The following AMZ1 variants were observed in gnomAD, a reference collection of about 807,000 sequenced individuals.
AMZ1 encodes the protein archaelysin family metallopeptidase 1.
In AMZ1, 39 loss-of-function variants were observed where a neutral mutation model predicts 29.9. The ratio of observed to expected loss-of-function variants is 1.30; its 90% CI spans 1.01 to 1.70. The LOEUF is 1.70. AMZ1 is among the 40% of genes most tolerant of loss of function. AMZ1 has a pLI of 0.00. For missense variants in AMZ1, 1,041 were observed against 680.6 expected, an observed-to-expected ratio of 1.53 and a Z score of -5.89; for synonymous variants, 458 against 304.0, an observed-to-expected ratio of 1.51 and a Z score of -5.27.
Position 2,708,584 on chromosome 7 carries a change from G to C in AMZ1, c.473-4G>C. The C allele has an allele frequency of 1.9e-6, 3 of 1,612,014 alleles. No homozygotes were observed. The highest frequency in any genetic ancestry group is 2.2e-5 in the East Asian group (1 of 44,882). On this transcript the variant is annotated splice_region_variant and splice_polypyrimidine_tract_variant and intron_variant, in intron 3 of 6. Coordinates refer to ENST00000683327, the MANE Select transcript of AMZ1 (RefSeq NM_001384743.1). ...GACCCCATCCTCTGGCCCTCTCCCC[G>C]CAGACGGCATCCTGTCCTTCTTGAA... is the stretch of plus-strand genomic sequence containing the variant.
chr7:2,721,705 G>A (rs1274001212), downstream of AMZ1, among the ~76,000 whole-genome samples: 11 of 142,852 alleles, frequency 7.7e-5, no homozygotes, highest in Middle Eastern at 3.5e-3. Flanking sequence ...AACAGAGCGA[G>A]ACTACGTCTC....
chr7:2,763,995 A>G (rs17802101), upstream of AMZ1, among the ~76,000 whole-genome samples: 1,698 of 152,328 alleles, frequency 0.011, 15 homozygotes, highest in Non-Finnish European at 0.016. Context: ...GTACGCACCT[A>G]AAGTGAGGCT....
At chr7:2,764,764 T>C (rs986027834) in exon 1 of AMZ1, 2 of 152,358 alleles carry the variant, frequency 1.3e-5, no homozygotes, top group African/African-American at 2.4e-5. Context: ...TGAAGCAGCA[T>C]CTGAAGTCCC....
Position 2,731,243 on chromosome 7 carries a change from C to G in AMZ1, n.550+21427C>G. ...ATGGTGTCTTTCACAGCATGGAACA[C>G]GAAGCGGACGTTCTCGGTGTCGATG... On this transcript the variant is annotated intron_variant and non_coding_transcript_variant, in intron 4 of 4. Transcript: ENST00000489665. This position sits in a 1 kb window ranked among gnomAD's most constrained non-coding sequence, Gnocchi z 6.0. 1 of 1,613,652 alleles carries G rather than the reference C, an allele frequency of 6.2e-7. No individual in the cohort carries two copies. The highest frequency in any genetic ancestry group is 8.5e-7 in the Non-Finnish European group (1 of 1,179,890).
chr7:2,695,742 G>A (rs920087001), intron 1 of AMZ1, among the ~76,000 whole-genome samples: 1 of 151,944 alleles, frequency 6.6e-6, no homozygotes, highest in Admixed American at 6.6e-5. Flanking sequence ...CGGGCGCAGT[G>A]GCTCATGCCT....
intron 1 of AMZ1, among the ~76,000 whole-genome samples, chr7:2,692,074 G>C (rs1229412775): frequency 6.6e-6 from 1 of 152,234 alleles, no homozygotes; most frequent in Admixed American, 6.5e-5. Flanking sequence ...CGGTGAGCAG[G>C]TCATGTCACC....
At chr7:2,734,064 A>G (rs996426090) in intron 4 of AMZ1, among the ~76,000 whole-genome samples, 1 of 152,186 alleles carries the variant, frequency 6.6e-6, no homozygotes, top group African/African-American at 2.4e-5. Context: ...GGAATCTTCC[A>G]TTTGGATTGT....
intron 4 of AMZ1, among the ~76,000 whole-genome samples, chr7:2,758,888 T>C (rs766240005): frequency 2.6e-5 from 4 of 152,112 alleles, no homozygotes; most frequent in Non-Finnish European, 4.4e-5. Context: ...CTCATGCCTA[T>C]AATCCCAGCG....
At chr7:2,687,392 G>T (rs1262160824), upstream of AMZ1, among the ~76,000 whole-genome samples, 1 of 152,194 alleles carries the variant, frequency 6.6e-6, no homozygotes, top group African/African-American at 2.4e-5. Context: ...CCATCTGTGG[G>T]GCGCTGCTGA....
At chr7:2,756,605 TCAAACAAACAAA>T (rs139218513) in intron 4 of AMZ1, among the ~76,000 whole-genome samples, 1 of 151,298 alleles carries the variant, frequency 6.6e-6, no homozygotes, top group Admixed American at 6.6e-5. Context: ...AGACCCTGTC[TCAAACAAACAAA>T]CAAACAAACA....
chr7:2,710,534 G>T (rs991795542), intron 6 of AMZ1, among the ~76,000 whole-genome samples: 2 of 152,204 alleles, frequency 1.3e-5, no homozygotes. Flanking sequence ...CCCGGACCGA[G>T]CCTGTCAGAA....
In AMZ1 at chr7:2,731,444, G is replaced by C. The variant is rs999964514; in HGVS notation, n.550+21628G>C. ...TCCACCAGGAGGTCCATCTTGTTGA[G>C]GAAGAGAATGATGGAGACGTTGAAG... On this transcript the variant is annotated intron_variant and non_coding_transcript_variant, in intron 4 of 4. Transcript: ENST00000489665. This position sits in a 1 kb window ranked among gnomAD's most constrained non-coding sequence, Gnocchi z 6.0. The C allele has an allele frequency of 6.2e-7, 1 of 1,613,820 alleles. No individual in the cohort carries two copies. The highest frequency in any genetic ancestry group is 1.3e-5 in the African/African-American group (1 of 75,028).
intron 1 of AMZ1, among the ~76,000 whole-genome samples, chr7:2,690,390 T>A (rs953556476): frequency 6.6e-6 from 1 of 152,206 alleles, no homozygotes; most frequent in African/African-American, 2.4e-5. Flanking sequence ...AGCTAATTTT[T>A]AAAATGTTTT....
At chr7:2,728,075 A>G (rs1789699550) in intron 4 of AMZ1, 1 of 152,246 alleles carries the variant, frequency 6.6e-6, no homozygotes, top group African/African-American at 2.4e-5. Context: ...TGAAAAATCA[A>G]TTTAGTGTTG....
At chr7:2,684,976 T>G (rs1017330428), upstream of AMZ1, among the ~76,000 whole-genome samples, 8 of 151,262 alleles carry the variant, frequency 5.3e-5, no homozygotes, top group Non-Finnish European at 1.2e-4. Flanking sequence ...TTCACGCCAT[T>G]CTCCTGCCTC....
chr7:2,723,210 G>C (rs1397061969), downstream of AMZ1, among the ~76,000 whole-genome samples: 2 of 152,246 alleles, frequency 1.3e-5, no homozygotes, highest in Admixed American at 6.5e-5. Flanking sequence ...CCTGTGGGCT[G>C]TGTGGGGGCC....
intron 1 of AMZ1, among the ~76,000 whole-genome samples, chr7:2,697,390 C>T (rs1432927538): frequency 1.3e-5 from 2 of 152,078 alleles, no homozygotes; most frequent in Non-Finnish European, 2.9e-5. Flanking sequence ...AGCTGCTGCG[C>T]CCGGCTCTAT....
chr7:2,762,334 T>C, upstream of AMZ1: 1 of 354,140 alleles, frequency 2.8e-6, no homozygotes, highest in Non-Finnish European at 5.1e-6. Flanking sequence ...GCGCGACTGC[T>C]GCTGGACACA....
In AMZ1 at chr7:2,696,013, G is replaced by GA. The variant is rs35492098; in HGVS notation, c.-218-4205dup. Among the ~76,000 whole-genome samples the GA allele has an allele frequency of 5.2e-3, 555 of 107,192 alleles. 3 individuals are homozygous for GA. Among genetic ancestry groups the GA allele is most frequent in the East Asian group, 0.016 (55 of 3,516 alleles). The allele number at this position is 107,192 out of a possible 152,430, so 70.3% of individuals were successfully genotyped here. A position where few individuals can be genotyped will look rare whatever the true frequency, so the allele number is the denominator to read the frequency against. The stretch of plus-strand genomic sequence containing the variant: ...GACAGAGCGAAACTGTCTTGGGGGG[G>GA]AAAAAAAAAAAAAAAAGGAAATGGA... On this transcript the variant is annotated intron_variant, in intron 1 of 6. Transcript: ENST00000683327.
Sources: allele counts gnomAD v4.1 joint callset (sites outside exome capture counted in the v4.1 genomes callset), GRCh38; gene constraint gnomAD v4.1.1; non-coding constraint Gnocchi (gnomAD v3.1); transcripts MANE v1.5; gene names NCBI Gene and HGNC (gene_info 2026-07-23, HGNC 2026-07-21).